The following FEZ1 variants were observed in gnomAD, a reference collection of about 807,000 sequenced individuals.
The protein encoded by FEZ1 is fasciculation and elongation protein zeta 1, also known as fasciculation and elongation protein zeta-1.
A neutral mutation model predicts 49.3 loss-of-function variants in FEZ1; 20 were observed. That is an observed-to-expected ratio of 0.41 (90% CI 0.29 to 0.59). The LOEUF (loss-of-function observed/expected upper bound fraction) is 0.59. Among genes scored for constraint, FEZ1 ranks in the 20% least tolerant of loss-of-function variants. The pLI, the probability that FEZ1 is intolerant of heterozygous loss-of-function variation, is 0.36. For synonymous variants in FEZ1, 170 were observed against 180.9 expected, an observed-to-expected ratio of 0.94 and a Z score of 0.48; for missense variants, 413 against 476.0, an observed-to-expected ratio of 0.87 and a Z score of 1.23.
chr11:125,485,537 C>A (rs1243038125), intron 2 of FEZ1, among the ~76,000 whole-genome samples: 3 of 152,182 alleles, frequency 2.0e-5, no homozygotes, highest in Non-Finnish European at 4.4e-5. Context: ...TCCCTCAAGC[C>A]TGGCTACTTC....
At chr11:125,457,429 A>ATAT (rs1555178498) in intron 5 of FEZ1, among the ~76,000 whole-genome samples, 32 of 20,872 alleles carry the variant, frequency 1.5e-3, no homozygotes, top group African/African-American at 1.6e-3. Flanking sequence ...AAAAAAAAAA[A>ATAT]ATATATATAT....
chr11:125,494,269 C>T (rs1281494156), intron 1 of FEZ1, among the ~76,000 whole-genome samples: 1 of 152,166 alleles, frequency 6.6e-6, no homozygotes, highest in Non-Finnish European at 1.5e-5. Context: ...CTGACTGGCC[C>T]CACTATAGCC....
At chr11:125,453,235 G>C (rs1218358038) in intron 7 of FEZ1, 1 of 152,222 alleles carries the variant, frequency 6.6e-6, no homozygotes, top group East Asian at 1.9e-4. Flanking sequence ...GGGATTACAG[G>C]CGTGAGCCAC....
At position 125,489,588 on chromosome 11, in the gene FEZ1, T is replaced by C; in HGVS notation, c.190A>G (p.Asn64Asp). The change falls in exon 2 of 10, where the codon AAT becomes GAT. Residue 64 changes from asparagine (N) to aspartate (D), a missense_variant. Physicochemically the swap from Asn to Asp is conservative, Grantham distance 23 (BLOSUM62 1). Coordinates refer to ENST00000278919, the MANE Select transcript of FEZ1 (RefSeq NM_005103.5). The surrounding 1 kb of genome is among the most constrained non-coding windows in gnomAD (Gnocchi z 4.2). The stretch of plus-strand genomic sequence containing the variant: ...ACATTGAGCTTCTCATCAAATTCAT[T>C]TACGAGGTCCTCCATGGACTTGAAG... Reference protein sequence around the residue: ...ISFKSMEDLVNEFDEKLNVCF... With the variant: ...ISFKSMEDLVDEFDEKLNVCF... The C allele has an allele frequency of 6.2e-7, 1 of 1,614,162 alleles. No individual in the cohort carries two copies.
At chr11:125,473,504 C>T (rs1195576995) in intron 3 of FEZ1, among the ~76,000 whole-genome samples, 5 of 152,104 alleles carry the variant, frequency 3.3e-5, no homozygotes. Flanking sequence ...AGCCCTGACC[C>T]TTACTCCATA....
intron 2 of FEZ1, among the ~76,000 whole-genome samples, chr11:125,485,423 AG>A (rs2135782949): frequency 6.6e-6 from 1 of 152,292 alleles, no homozygotes; most frequent in African/African-American, 2.4e-5. Context: ...CATAGCCATC[AG>A]GGTTCTCTCA....
chr11:125,489,889 G>C lies in FEZ1; in HGVS notation c.-45-67C>G. ...AATCTAAATAATAGAGTTAACTTTA[G>C]AGACACACCTGCTTCCAATTCCCTA... On this transcript the variant is annotated intron_variant, in intron 1 of 9. Transcript: ENST00000278919. The surrounding 1 kb of genome is among the most constrained non-coding windows in gnomAD (Gnocchi z 4.2). The C allele has an allele frequency of 7.5e-7, 1 of 1,328,494 alleles. No individual in the cohort carries two copies. The highest frequency in any genetic ancestry group is 9.8e-7 in the Non-Finnish European group (1 of 1,017,666). 82.3% of individuals were successfully genotyped at this position (1,328,494 alleles called of 1,614,324 possible). A position where few individuals can be genotyped will look rare whatever the true frequency, so the allele number is the denominator to read the frequency against.
chr11:125,455,816 C>T lies in FEZ1; in HGVS notation c.939+19G>A, dbSNP rs1274413973. The T allele has an allele frequency of 1.9e-6, 3 of 1,613,666 alleles. No individual in the cohort carries two copies. The highest frequency in any genetic ancestry group is 2.5e-6 in the Non-Finnish European group (3 of 1,179,820). ...TGGAGGTTGGAGGCACCCAGTCTTC[C>T]ACCTGGTTGTTCACCTACCTTGAGA... On this transcript the variant is annotated intron_variant, in intron 6 of 9. Transcript: ENST00000278919.
In FEZ1 at chr11:125,446,252, A is replaced by T. The variant is rs1005331851; in HGVS notation, c.1163-141T>A. On this transcript the variant is annotated intron_variant, in intron 9 of 9. Transcript: ENST00000278919. Reference sequence around the variant, plus strand: ...CCCCACTTAGTGCCTAGAATAAGGGAGAGACAATGGCAGGTGGTTGCTGGT... The same window carrying T: ...CCCCACTTAGTGCCTAGAATAAGGGTGAGACAATGGCAGGTGGTTGCTGGT... The T allele has an allele frequency of 4.0e-6, 3 of 748,882 alleles. No homozygotes were observed. In the African/African-American group the frequency reaches 5.2e-5, roughly 13 times the overall value. 46.4% of individuals were successfully genotyped at this position (748,882 alleles called of 1,614,324 possible).
chr11:125,448,620 C>T, intron 8 of FEZ1, 53 bp from the exon 9 acceptor site: 5 of 1,156,646 alleles, frequency 4.3e-6, no homozygotes, highest in Non-Finnish European at 6.5e-6. Flanking sequence ...CAGAGGTTCA[C>T]TTCTAGGGCC....
At chr11:125,473,467 C>A (rs1266466081) in intron 3 of FEZ1, among the ~76,000 whole-genome samples, 1 of 152,062 alleles carries the variant, frequency 6.6e-6, no homozygotes, top group Non-Finnish European at 1.5e-5. Flanking sequence ...GAAACAGCAA[C>A]CTGGGAATCA....
chr11:125,457,429 A>AAATATATAT lies in FEZ1; in HGVS notation c.668-1324_668-1323insATATATATT, dbSNP rs1164500309. ...AAAAAAAAAAAAAAAAAAAAAAAAA[A>AAATATATAT]ATATATATATATATATATATATGTA... On this transcript the variant is annotated intron_variant, in intron 5 of 9. Transcript: ENST00000278919. Among the ~76,000 whole-genome samples, 9 of 20,908 alleles carry AAATATATAT rather than the reference A, an allele frequency of 4.3e-4. No individual in the cohort carries two copies. The East Asian group carries it at 6.1e-3, about 14-fold the overall frequency. 13.7% of individuals were successfully genotyped at this position (20,908 alleles called of 152,430 possible). A position where few individuals can be genotyped will look rare whatever the true frequency, so the allele number is the denominator to read the frequency against.
rs1480696074 is a variant in FEZ1 at position 125,489,643 on chromosome 11, C to A, written c.135G>T (p.Glu45Asp). ...PHHLEDPSLS[E>D]LENFSSEIIS... Reference sequence around the variant, plus strand: ...TTATTTCGGAAGAAAAATTCTCAAGCTCGGAGAGGGAGGGGTCCTCGAGAT... The same window carrying A: ...TTATTTCGGAAGAAAAATTCTCAAGATCGGAGAGGGAGGGGTCCTCGAGAT... Residue 45 changes from glutamate to aspartate, a missense_variant, in exon 2 of 10, where the codon GAG becomes GAT. Physicochemically the swap from Glu to Asp is conservative, Grantham distance 45. Coordinates refer to ENST00000278919, the MANE Select transcript of FEZ1 (RefSeq NM_005103.5). This position sits in a 1 kb window ranked among gnomAD's most constrained non-coding sequence, Gnocchi z 4.2. 1 of 1,614,124 alleles carries A rather than the reference C, an allele frequency of 6.2e-7. No individual in the cohort carries two copies. Among genetic ancestry groups the A allele is most frequent in the Admixed American group, 1.7e-5 (1 of 60,030 alleles).
chr11:125,495,799 GACACACACACAC>G lies in FEZ1; in HGVS notation c.-46+310_-46+321del, dbSNP rs10524234. On this transcript the variant is annotated intron_variant, in intron 1 of 9. Transcript: ENST00000278919. This position sits in a 1 kb window ranked among gnomAD's most constrained non-coding sequence, Gnocchi z 4.2. Reference sequence around the variant, plus strand: ...GCACACACGCGGGCACACACACGCGGACACACACACACACACACACACACACACACACACACC... The same window carrying G: ...GCACACACGCGGGCACACACACGCGGACACACACACACACACACACACACC... The G allele has an allele frequency of 1.4e-3, 426 of 309,864 alleles. 1 individual carries two copies. The highest frequency in any genetic ancestry group is 7.5e-3 in the African/African-American group (326 of 43,186). The allele number at this position is 309,864 out of a possible 1,614,324, so 19.2% of individuals were successfully genotyped here.
chr11:125,457,422 AAAAAAAAATATAT>A (rs1467901855), intron 5 of FEZ1, among the ~76,000 whole-genome samples: 1 of 38,652 alleles, frequency 2.6e-5, no homozygotes, highest in Non-Finnish European at 5.1e-5. Context: ...AAAAAAAAAA[AAAAAAAAATATAT>A]ATATATATAT....
rs763611409 is a variant in FEZ1 at position 125,455,730 on chromosome 11, C to T, written c.939+105G>A. The T allele has an allele frequency of 7.6e-6, 9 of 1,189,142 alleles. No individual in the cohort carries two copies. In the African/African-American group the frequency reaches 1.3e-4, roughly 18 times the overall value. 73.7% of individuals were successfully genotyped at this position (1,189,142 alleles called of 1,614,324 possible). A position where few individuals can be genotyped will look rare whatever the true frequency, so the allele number is the denominator to read the frequency against. On this transcript the variant is annotated intron_variant, in intron 6 of 9. Transcript: ENST00000278919. ...TGTCACAGTGTGCTGCTCACCACCA[C>T]TGCTCGGTAAACGTTGATGAGTCCC...
intron 2 of FEZ1, among the ~76,000 whole-genome samples, chr11:125,487,745 C>T (rs1957338539): frequency 6.6e-6 from 1 of 152,190 alleles, no homozygotes; most frequent in South Asian, 2.1e-4. Flanking sequence ...TAGCTATTAT[C>T]ACTCATCTAG....
intron 3 of FEZ1, among the ~76,000 whole-genome samples, chr11:125,469,776 T>A (rs1243887839): frequency 6.6e-6 from 1 of 151,332 alleles, no homozygotes; most frequent in East Asian, 1.9e-4. Flanking sequence ...AGGGTCTTAC[T>A]GTGTTGGCCA....
chr11:125,448,454 A>G (rs1163458032), intron 9 of FEZ1, 48 bp downstream of exon 9: 1 of 1,239,302 alleles, frequency 8.1e-7, no homozygotes, highest in Non-Finnish European at 1.2e-6. Context: ...CTGGAGCAGG[A>G]GCTCCAGAGA....
Sources: gnomAD v4.1 joint callset for allele counts (sites outside exome capture counted in the v4.1 genomes callset) on GRCh38, gnomAD v4.1.1 for gene constraint, Gnocchi (gnomAD v3.1) non-coding constraint, MANE v1.5 for transcripts, NCBI Gene and HGNC (gene_info 2026-07-23, HGNC 2026-07-21) for gene names.